CA4: variants seen among roughly 807,000 people sequenced by gnomAD.
CA4 encodes CA-IV.
CA4 carries 24 observed loss-of-function variants against 34.5 expected under a neutral mutation model. The ratio of observed to expected loss-of-function variants is 0.70; its 90% CI spans 0.50 to 0.98. The LOEUF is 0.98. Ranked by LOEUF, CA4 falls within the 50% of genes least tolerant of loss-of-function variation. The probability of loss-of-function intolerance (pLI) is 0.00; values close to 1 mark genes in which losing one functional copy is unlikely to be tolerated. For missense variants in CA4, 394 were observed against 396.7 expected, an observed-to-expected ratio of 0.99 and a Z score of 0.06; for synonymous variants, 178 against 170.6, an observed-to-expected ratio of 1.04 and a Z score of -0.34.
At chr17:60,174,754 C>T (rs1356513069), downstream of CA4, among the ~76,000 whole-genome samples, 1 of 152,146 alleles carries the variant, frequency 6.6e-6, no homozygotes, top group South Asian at 2.1e-4. Flanking sequence ...AAACTGGGAT[C>T]GCCACTCCCC....
downstream of CA4, among the ~76,000 whole-genome samples, chr17:60,164,049 A>G (rs114147313): frequency 9.5e-3 from 1,441 of 151,754 alleles, 34 homozygotes; most frequent in African/African-American, 0.033. Flanking sequence ...GGATGGCTTA[A>G]GCCCAGGAGT....
In CA4 at chr17:60,169,262, A is replaced by AAAAAAAAAAAAAAAAAGCAGC. The variant is rs1555574044; in HGVS notation, c.*179-1288_*179-1287insAAAAAAAAAAAAAAAGCAGCA. 3.1e-3 allele frequency among the ~76,000 whole-genome samples: 461 copies of AAAAAAAAAAAAAAAAAGCAGC among 149,564 alleles called. 7 individuals carry two copies. The highest frequency in any genetic ancestry group is 0.011 in the African/African-American group (446 of 39,284). On this transcript the variant is annotated intron_variant and NMD_transcript_variant, in intron 5 of 5. Coordinates refer to the CA4 transcript ENST00000586876. ...ACTCCCTCTGTCTCAAAAAAAAAAA[A>AAAAAAAAAAAAAAAAAGCAGC]AGCAGCAGCAGCAGCAGCAGCAGCA...
At chr17:60,175,570 A>T (rs548330986), downstream of CA4, among the ~76,000 whole-genome samples, 108 of 134,730 alleles carry the variant, frequency 8.0e-4, 1 homozygote, top group Middle Eastern at 7.8e-3. Context: ...GTCTCTATTT[A>T]AAAAAAAAAA....
At chr17:60,159,561 GTT>G, downstream of CA4, 1 of 1,023,072 alleles carries the variant, frequency 9.8e-7, no homozygotes, top group Non-Finnish European at 1.5e-6. Flanking sequence ...TCTCAAGTGT[GTT>G]TTTAGCCTTC....
chr17:60,176,905 G>A, the CA4 span, among the ~76,000 whole-genome samples: 19 of 152,290 alleles, frequency 1.2e-4, no homozygotes, highest in Non-Finnish European at 2.2e-4. Flanking sequence ...AATAGGGTTC[G>A]TTCTCCTGTG....
chr17:60,174,211 T>C (rs2083937605), downstream of CA4, among the ~76,000 whole-genome samples: 1 of 152,094 alleles, frequency 6.6e-6, no homozygotes, highest in South Asian at 2.1e-4. Context: ...AGAACTAGAA[T>C]GTGACCTCCG....
the CA4 span, among the ~76,000 whole-genome samples, chr17:60,178,092 T>C: frequency 6.6e-6 from 1 of 151,998 alleles, no homozygotes; most frequent in East Asian, 1.9e-4. Flanking sequence ...AAAAGACAAA[T>C]ATCAAAATAA....
downstream of CA4, chr17:60,159,628 G>T (rs546591403): frequency 1.7e-4 from 109 of 642,796 alleles, no homozygotes; most frequent in African/African-American, 1.5e-3. Context: ...CTGTTCCAGG[G>T]CGGGGGCTTT....
rs144428209 is a variant in CA4 at position 60,166,683 on chromosome 17, C to T, written c.*179-3868C>T. 5.4e-3 allele frequency among the ~76,000 whole-genome samples: 813 copies of T among 150,076 alleles called. 4 individuals carry two copies. Among genetic ancestry groups the T allele is most frequent in the Middle Eastern group, 0.01 (3 of 290 alleles). On this transcript the variant is annotated intron_variant and NMD_transcript_variant, in intron 5 of 5. Coordinates refer to the CA4 transcript ENST00000586876. ...AATAGAGCTGAGATTTGGCCAGGTG[C>T]GGTGGCTCATGCCTGTAATCCCAGC...
At chr17:60,150,687 A>AG (rs1314626361) in intron 1 of CA4, among the ~76,000 whole-genome samples, 4 of 138,102 alleles carry the variant, frequency 2.9e-5, no homozygotes, top group Non-Finnish European at 6.1e-5. Flanking sequence ...AAAAAAAAAA[A>AG]AAAGGATGCT....
chr17:60,158,354 T>C lies in CA4; in HGVS notation c.652T>C (p.Phe218Leu), dbSNP rs777060818. 3.7e-6 allele frequency: 6 copies of C among 1,614,062 alleles called. No homozygotes were observed. Among genetic ancestry groups the C allele is most frequent in the Non-Finnish European group, 1.7e-6 (2 of 1,180,016 alleles). The change falls in exon 7 of 8, where the codon TTC becomes CTC. Residue 218 changes from phenylalanine to leucine, a missense_variant. Coordinates refer to ENST00000300900, the MANE Select transcript of CA4 (RefSeq NM_000717.5). ...LPKEEKLRHY[F>L]RYLGSLTTPT... is the part of the protein sequence containing the mutation. ...CAAGGAGGAGAAACTGAGGCACTAC[T>C]TCCGCTACCTGGGCTCACTCACCAC...
Position 60,158,398 on chromosome 17 carries a change from G to T in CA4, c.696G>T (p.Lys232Asn), listed in dbSNP as rs761553374. The T allele has an allele frequency of 9.3e-6, 15 of 1,614,164 alleles. No homozygotes were observed. The highest frequency in any genetic ancestry group is 1.7e-5 in the Admixed American group (1 of 60,024). The change falls in exon 7 of 8, where the codon AAG becomes AAT. Residue 232 changes from lysine to asparagine, a missense_variant. Coordinates refer to ENST00000300900, the MANE Select transcript of CA4 (RefSeq NM_000717.5). Reference protein sequence around the residue: ...GSLTTPTCDEKVVWTVFREPI... With the variant: ...GSLTTPTCDENVVWTVFREPI... ...TCACCACACCGACCTGCGATGAGAA[G>T]GTCGTCTGGACTGTGTTCCGGGAGC...
intron 2 of CA4, among the ~76,000 whole-genome samples, chr17:60,156,073 A>T (rs1286927604): frequency 6.6e-6 from 1 of 151,900 alleles, no homozygotes; most frequent in African/African-American, 2.4e-5. Flanking sequence ...TCTCCCTCCC[A>T]TTCCTCAGAT....
chr17:60,172,822 C>G (rs148861053), downstream of CA4, among the ~76,000 whole-genome samples: 1 of 150,222 alleles, frequency 6.7e-6, no homozygotes, highest in Non-Finnish European at 1.5e-5. Context: ...CCAGCCTGGG[C>G]GACAAGAGTG....
chr17:60,171,285 GCTGCAGAGAGCT>G (rs1455387498), downstream of CA4, among the ~76,000 whole-genome samples: 1 of 152,188 alleles, frequency 6.6e-6, no homozygotes, highest in African/African-American at 2.4e-5. Context: ...GCAGCTCTGT[GCTGCAGAGAGCT>G]CTGCAAACAA....
At chr17:60,176,097 T>C in the CA4 span, among the ~76,000 whole-genome samples, 1 of 152,188 alleles carries the variant, frequency 6.6e-6, no homozygotes, top group Non-Finnish European at 1.5e-5. Context: ...ATTACAGGCG[T>C]GAGCCACTGC....
At chr17:60,173,216 C>T (rs2083927993), downstream of CA4, among the ~76,000 whole-genome samples, 1 of 152,188 alleles carries the variant, frequency 6.6e-6, no homozygotes, top group African/African-American at 2.4e-5. Context: ...TGTATTTATA[C>T]AAACCATAGA....
At chr17:60,171,695 A>AC (rs1170951122), downstream of CA4, among the ~76,000 whole-genome samples, 1 of 151,608 alleles carries the variant, frequency 6.6e-6, no homozygotes, top group South Asian at 2.1e-4. Flanking sequence ...GCAGCACTAC[A>AC]CCCCCCACTG....
At chr17:60,159,001 G>A in intron 7 of CA4, 1 of 595,208 alleles carries the variant, frequency 1.7e-6, no homozygotes, top group Non-Finnish European at 3.0e-6. Flanking sequence ...CGGGCCCCCT[G>A]GGGTGTGAGT....
Sources: gnomAD v4.1 joint callset for allele counts (sites outside exome capture counted in the v4.1 genomes callset) on GRCh38, gnomAD v4.1.1 for gene constraint, MANE v1.5 for transcripts, NCBI Gene and HGNC (gene_info 2026-07-23, HGNC 2026-07-21) for gene names.